The following CFAP54 variants were observed in gnomAD, a reference collection of about 807,000 sequenced individuals.
CFAP54 encodes cilia and flagella associated protein 54, also known as cilia- and flagella-associated protein 54.
Under a neutral mutation model 370.4 loss-of-function variants are expected in CFAP54, and 290 were observed. The observed-to-expected ratio is 0.78, with a 90% CI of 0.71 to 0.86. The LOEUF (loss-of-function observed/expected upper bound fraction) is 0.86, where lower values mean the gene tolerates loss of function less well. Ranked by LOEUF, CFAP54 falls within the 40% of genes least tolerant of loss-of-function variation. CFAP54 has a pLI of 0.00. For synonymous variants in CFAP54, 1,206 were observed against 1,236.5 expected, an observed-to-expected ratio of 0.98 and a Z score of 0.52; for missense variants, 3,399 against 3,528.7, an observed-to-expected ratio of 0.96 and a Z score of 0.93.
chr12:96,515,300 G>A (rs1955218463), intron 5 of CFAP54, among the ~76,000 whole-genome samples: 1 of 152,070 alleles, frequency 6.6e-6, no homozygotes, highest in East Asian at 1.9e-4. Flanking sequence ...GTGAGCCACG[G>A]TGCCTGGCCC....
chr12:96,792,730 T>C (rs1047422777), intron 63 of CFAP54, among the ~76,000 whole-genome samples: 1 of 152,274 alleles, frequency 6.6e-6, no homozygotes, highest in Non-Finnish European at 1.5e-5. Flanking sequence ...AAATTTTCAG[T>C]GTGTCACCAT....
chr12:96,637,055 A>G (rs568863615), intron 32 of CFAP54, among the ~76,000 whole-genome samples: 1 of 152,176 alleles, frequency 6.6e-6, no homozygotes, highest in South Asian at 2.1e-4. Context: ...CCTCACATCC[A>G]ACTCCTTTCC....
intron 12 of CFAP54, among the ~76,000 whole-genome samples, chr12:96,536,689 C>T (rs1184823848): frequency 2.8e-5 from 4 of 145,114 alleles, no homozygotes; most frequent in Non-Finnish European, 6.0e-5. Flanking sequence ...TGCAGTGGTG[C>T]GATCTCAGCT....
intron 66 of CFAP54, among the ~76,000 whole-genome samples, chr12:96,855,894 T>C (rs1477788652): frequency 6.6e-6 from 1 of 152,260 alleles, no homozygotes. Context: ...ATTTCTTTTC[T>C]GTACTGCCCT....
chr12:96,826,387 T>TTA (rs915577107), intron 65 of CFAP54, among the ~76,000 whole-genome samples: 23 of 134,688 alleles, frequency 1.7e-4, no homozygotes, highest in Admixed American at 1.2e-3. Flanking sequence ...CAATATATTG[T>TTA]TATATATATA....
At position 96,708,767 on chromosome 12, in the gene CFAP54, A is replaced by G. The variant is rs544862322; in HGVS notation, c.6688A>G (p.Thr2230Ala). 1.2e-6 allele frequency: 2 copies of G among 1,608,640 alleles called. No individual in the cohort carries two copies. Among genetic ancestry groups the G allele is most frequent in the East Asian group, 4.5e-5 (2 of 44,786 alleles). Residue 2230 changes from threonine to alanine, a missense_variant, in exon 48 of 68, where the codon ACC (threonine) becomes GCC (alanine). By Grantham distance (58) the Thr-to-Ala change is moderately conservative. Around this residue, in one of 3 missense-constraint regions of CFAP54, gnomAD observed 2,796 missense variants for 2,869.7 expected, o/e 0.97. Transcript: ENST00000524981. ...AGAAAATAAATTTAAGACAGTAATT[A>G]CCAACAAGAGCAAACCAAACCTACC... The part of the protein sequence containing the change: ...VPENKFKTVI[T>A]NKSKPNLPNL...
intron 45 of CFAP54, among the ~76,000 whole-genome samples, chr12:96,698,908 G>A (rs1173192787): frequency 6.6e-6 from 1 of 152,154 alleles, no homozygotes; most frequent in Admixed American, 6.5e-5. Flanking sequence ...GTGAGCAGCG[G>A]CTCAAGGGTC....
At chr12:96,793,534 C>G (rs1418429857) in intron 63 of CFAP54, among the ~76,000 whole-genome samples, 2 of 150,914 alleles carry the variant, frequency 1.3e-5, no homozygotes, top group Non-Finnish European at 3.0e-5. Context: ...ATTTTTTTTT[C>G]TTTGTATAAT....
rs1219158122 is a variant in CFAP54 at position 96,685,164 on chromosome 12, C to T, written c.5940C>T (p.Tyr1980=). Residue 1980 remains tyrosine (Y), a synonymous_variant, in exon 42 of 68, where the codon TAC becomes TAT. Transcript: ENST00000524981. ...ATTCACCTCCGGGTTTCAAAGACTA[C>T]AGTGAGGAGTTTCTGTCAAGAGTTG... is the stretch of plus-strand genomic sequence containing the variant. The part of the protein sequence containing the change: ...NSHSPPGFKD[Y]SEEFLSRVGI... The T allele has an allele frequency of 6.2e-7, 1 of 1,614,108 alleles. No individual in the cohort carries two copies. The highest frequency in any genetic ancestry group is 1.7e-5 in the Admixed American group (1 of 60,006).
At chr12:96,858,649 A>G (rs1479454104) in intron 66 of CFAP54, among the ~76,000 whole-genome samples, 2 of 152,186 alleles carry the variant, frequency 1.3e-5, no homozygotes, top group African/African-American at 4.8e-5. Flanking sequence ...TGCAATTGCC[A>G]CAAAAAGAAT....
intron 66 of CFAP54, among the ~76,000 whole-genome samples, chr12:96,833,904 G>A (rs560718283): frequency 1.3e-5 from 2 of 152,134 alleles, no homozygotes; most frequent in South Asian, 2.1e-4. Flanking sequence ...TATGACAAGA[G>A]CCCTATGACA....
rs1565934468 is a variant in CFAP54, at chr12:96,664,773, A to AGC, written c.5563+841_5563+842insGC. 6.4e-4 allele frequency among the ~76,000 whole-genome samples: 13 copies of AGC among 20,308 alleles called. 1 individual carries two copies. The highest frequency in any genetic ancestry group is 3.2e-3 in the African/African-American group (11 of 3,458). 13.3% of individuals were successfully genotyped at this position (20,308 alleles called of 152,430 possible). A position where few individuals can be genotyped will look rare whatever the true frequency, so the allele number is the denominator to read the frequency against. ...TATATATCTATATATATCTATATCT[A>AGC]TATCTATATATATATATATATATAT... On this transcript the variant is annotated intron_variant, in intron 39 of 67. Transcript: ENST00000524981.
In CFAP54 at chr12:96,829,177, T is replaced by C. The variant is rs941234979; in HGVS notation, c.9171+89T>C. 1.0e-5 allele frequency: 7 copies of C among 691,014 alleles called. No homozygotes were observed. In the African/African-American group the frequency reaches 1.2e-4, roughly 12 times the overall value. 42.8% of individuals were successfully genotyped at this position (691,014 alleles called of 1,614,324 possible). A position where few individuals can be genotyped will look rare whatever the true frequency, so the allele number is the denominator to read the frequency against. On this transcript the variant is annotated intron_variant, in intron 66 of 67. Coordinates refer to ENST00000524981, the MANE Select transcript of CFAP54 (RefSeq NM_001306084.2). The stretch of plus-strand genomic sequence containing the variant: ...AATATAGAAAACATCTAATTGTAAG[T>C]ATCAAGGGCCTAACCCTCCTTATTA...
chr12:96,497,633 A>G (rs1343607133), intron 1 of CFAP54, among the ~76,000 whole-genome samples: 3 of 152,224 alleles, frequency 2.0e-5, no homozygotes, highest in Admixed American at 6.5e-5. Flanking sequence ...CAACCTAAAG[A>G]TACCTGCAAA....
At chr12:96,528,902 A>AATAAC (rs1955411148) in intron 9 of CFAP54, among the ~76,000 whole-genome samples, 1 of 152,194 alleles carries the variant, frequency 6.6e-6, no homozygotes, top group African/African-American at 2.4e-5. Context: ...TATTTACATT[A>AATAAC]AATGCATATT....
intron 60 of CFAP54, among the ~76,000 whole-genome samples, chr12:96,779,707 A>T (rs1263653766): frequency 6.7e-6 from 1 of 149,174 alleles, no homozygotes; most frequent in Admixed American, 6.7e-5. Flanking sequence ...CTGACCAATC[A>T]AGTACAGGGC....
chr12:96,591,227 A>G (rs1412345999), intron 23 of CFAP54, among the ~76,000 whole-genome samples: 2 of 152,236 alleles, frequency 1.3e-5, no homozygotes, highest in Non-Finnish European at 2.9e-5. Flanking sequence ...ATAAAATGCC[A>G]CAGAGAGGGT....
intron 17 of CFAP54, among the ~76,000 whole-genome samples, chr12:96,562,779 T>G (rs1955829572): frequency 6.6e-6 from 1 of 152,132 alleles, no homozygotes; most frequent in Non-Finnish European, 1.5e-5. Context: ...CTTTTATTTT[T>G]TTATACTCTT....
intron 40 of CFAP54, among the ~76,000 whole-genome samples, chr12:96,680,966 C>G (rs141784725): frequency 8.5e-4 from 129 of 152,240 alleles, no homozygotes; most frequent in Non-Finnish European, 1.5e-3. Flanking sequence ...ACCTGTAATT[C>G]CAGCTACTCA....
Sources: gnomAD v4.1 joint callset for allele counts (sites outside exome capture counted in the v4.1 genomes callset) on GRCh38, gnomAD v4.1.1 for gene constraint, gnomAD v4.1.1 regional missense constraint, MANE v1.5 for transcripts, NCBI Gene and HGNC (gene_info 2026-07-23, HGNC 2026-07-21) for gene names.